IMPG2: variants seen among roughly 807,000 people sequenced by gnomAD.
IMPG2 encodes IPM 200.
IMPG2 carries 91 observed loss-of-function variants against 129.2 expected under a neutral mutation model. The observed-to-expected ratio is 0.70, with a 90% CI of 0.59 to 0.84. IMPG2 has a LOEUF of 0.84. Ranked by LOEUF, IMPG2 falls within the 40% of genes least tolerant of loss-of-function variation. The pLI is 0.00. For synonymous variants in IMPG2, 510 were observed against 517.7 expected (o/e 0.99, Z 0.20); for missense variants, 1,430 against 1,461.7 (o/e 0.98, Z 0.35).
intron 11 of IMPG2, among the ~76,000 whole-genome samples, chr3:101,252,249 A>G (rs1209420016): frequency 6.6e-6 from 1 of 152,134 alleles, no homozygotes; most frequent in Non-Finnish European, 1.5e-5. Context: ...GTTTTAAAAT[A>G]TTGACTTATT....
chr3:101,285,322 A>T (rs1215266188), intron 4 of IMPG2, among the ~76,000 whole-genome samples: 1 of 152,160 alleles, frequency 6.6e-6, no homozygotes, highest in Non-Finnish European at 1.5e-5. Context: ...TGACAGAAAG[A>T]CACACAGGGA....
intron 2 of IMPG2, among the ~76,000 whole-genome samples, chr3:101,316,070 T>C (rs1050251825): frequency 2.6e-5 from 4 of 151,964 alleles, no homozygotes; most frequent in African/African-American, 4.8e-5. Flanking sequence ...GCTATGCATA[T>C]AAAAATATTA....
At chr3:101,300,369 C>A (rs1707127013) in intron 3 of IMPG2, among the ~76,000 whole-genome samples, 1 of 152,232 alleles carries the variant, frequency 6.6e-6, no homozygotes, top group Admixed American at 6.5e-5. Flanking sequence ...GCCCCTCCTG[C>A]AAAGGAGTTC....
Position 101,244,732 on chromosome 3 carries a change from T to G in IMPG2, c.1599A>C (p.Ser533=). The G allele has an allele frequency of 6.2e-7, 1 of 1,614,060 alleles. No individual in the cohort carries two copies. The change falls in exon 13 of 19, where the codon TCA becomes TCC. Residue 533 remains serine, a synonymous_variant. Coordinates refer to ENST00000193391, the MANE Select transcript of IMPG2 (RefSeq NM_016247.4). ...EDFLSIDSLP[S]SSFTQPVPKE... is the part of the protein sequence containing the mutation. ...TTGGCACAGGTTGAGTGAATGAACT[T>G]GAAGGCAATGAATCAATAGAAAGAA...
intron 9 of IMPG2, among the ~76,000 whole-genome samples, chr3:101,263,934 T>C (rs1232035169): frequency 6.9e-6 from 1 of 145,562 alleles, no homozygotes; most frequent in African/African-American, 2.5e-5. Flanking sequence ...ACCACAGAAA[T>C]GGAAAGGATA....
In IMPG2 at chr3:101,294,934, G is replaced by T. The variant is rs540089636; in HGVS notation, c.502-3424C>A. On this transcript the variant is annotated intron_variant, in intron 3 of 18. Coordinates refer to ENST00000193391, the MANE Select transcript of IMPG2 (RefSeq NM_016247.4). Reference sequence around the variant, plus strand: ...ATATCCTATGCCCACTTTTTGATGGGGTTTTTTTCTTGTAAATTTAAGTTC... The same window carrying T: ...ATATCCTATGCCCACTTTTTGATGGTGTTTTTTTCTTGTAAATTTAAGTTC... 1.6e-3 allele frequency among the ~76,000 whole-genome samples: 235 copies of T among 151,476 alleles called. 1 individual carries two copies. Among genetic ancestry groups the T allele is most frequent in the Admixed American group, 6.0e-3 (91 of 15,222 alleles).
At chr3:101,286,390 T>G (rs997509105) in intron 4 of IMPG2, among the ~76,000 whole-genome samples, 5 of 152,126 alleles carry the variant, frequency 3.3e-5, no homozygotes, top group African/African-American at 1.2e-4. Flanking sequence ...TAGGCCCAGA[T>G]TTACAGTGAA....
intron 2 of IMPG2, among the ~76,000 whole-genome samples, chr3:101,313,978 A>G (rs993709703): frequency 2.0e-5 from 3 of 152,088 alleles, no homozygotes; most frequent in South Asian, 4.1e-4. Context: ...TTAAAATATC[A>G]CTAATAATAG....
chr3:101,273,761 A>G lies in IMPG2; in HGVS notation c.667-19T>C. 1 of 1,609,396 alleles carries G rather than the reference A, an allele frequency of 6.2e-7. No homozygotes were observed. Among genetic ancestry groups the G allele is most frequent in the Non-Finnish European group, 8.5e-7 (1 of 1,175,882 alleles). On this transcript the variant is annotated intron_variant, in intron 6 of 18. Coordinates refer to ENST00000193391, the MANE Select transcript of IMPG2 (RefSeq NM_016247.4). Reference sequence around the variant, plus strand: ...TGCTAATCTGAATTTTTAGAGAAAGAACAATAAATGTCAAGGCTTATTCAT... The same window carrying G: ...TGCTAATCTGAATTTTTAGAGAAAGGACAATAAATGTCAAGGCTTATTCAT...
intron 6 of IMPG2, among the ~76,000 whole-genome samples, chr3:101,274,224 A>G (rs1706819001): frequency 6.6e-6 from 1 of 152,064 alleles, no homozygotes; most frequent in South Asian, 2.1e-4. Flanking sequence ...AATTAATAAA[A>G]TAGTAAACAT....
intron 10 of IMPG2, among the ~76,000 whole-genome samples, chr3:101,254,698 A>G (rs926807641): frequency 6.6e-6 from 1 of 152,114 alleles, no homozygotes; most frequent in South Asian, 2.1e-4. Context: ...CTTGTCTTCT[A>G]TGAAAAATAA....
intron 7 of IMPG2, among the ~76,000 whole-genome samples, chr3:101,273,055 C>A (rs962477244): frequency 6.6e-6 from 1 of 152,134 alleles, no homozygotes; most frequent in African/African-American, 2.4e-5. Context: ...ATCCACAATT[C>A]TTTAAAGAAA....
intron 14 of IMPG2, among the ~76,000 whole-genome samples, chr3:101,233,673 T>C (rs990610567): frequency 6.6e-6 from 1 of 152,084 alleles, no homozygotes; most frequent in African/African-American, 2.4e-5. Flanking sequence ...TAGTAATCAG[T>C]CAAAAAAGAT....
intron 2 of IMPG2, among the ~76,000 whole-genome samples, chr3:101,318,941 T>C (rs1160861141): frequency 6.6e-6 from 1 of 152,148 alleles, no homozygotes; most frequent in African/African-American, 2.4e-5. Flanking sequence ...AATGCCATCA[T>C]TTTAGATGTG....
At chr3:101,239,382 G>A (rs2107214595) in intron 14 of IMPG2, among the ~76,000 whole-genome samples, 1 of 152,298 alleles carries the variant, frequency 6.6e-6, no homozygotes, top group South Asian at 2.1e-4. Context: ...AAATCACAAT[G>A]AGATACCATC....
At chr3:101,236,659 C>T (rs550431317) in intron 14 of IMPG2, among the ~76,000 whole-genome samples, 23 of 152,250 alleles carry the variant, frequency 1.5e-4, no homozygotes, top group South Asian at 1.2e-3. Flanking sequence ...AGGAACAGTG[C>T]ATTCAGCCCA....
chr3:101,244,112 T>C lies in IMPG2; in HGVS notation c.2219A>G (p.Asp740Gly). 2 of 1,614,118 alleles carry C rather than the reference T, an allele frequency of 1.2e-6. No homozygotes were observed. Among genetic ancestry groups the C allele is most frequent in the Non-Finnish European group, 1.7e-6 (2 of 1,180,016 alleles). The change falls in exon 13 of 19, where the codon GAT (aspartate) becomes GGT (glycine). Residue 740 changes from aspartate (D) to glycine (G), a missense_variant. Physicochemically the swap from Asp to Gly is moderately conservative, Grantham distance 94. Coordinates refer to ENST00000193391, the MANE Select transcript of IMPG2 (RefSeq NM_016247.4). Reference protein sequence around the residue: ...SASTDKSDQADAILREDMEQI... With the variant: ...SASTDKSDQAGAILREDMEQI... The stretch of plus-strand genomic sequence containing the variant: ...TTCCATATCCTCCCTTAGGATGGCA[T>C]CTGCCTGATCTGATTTATCAGTAGA...
chr3:101,279,861 C>T (rs1454242014), intron 4 of IMPG2, among the ~76,000 whole-genome samples: 8 of 152,176 alleles, frequency 5.3e-5, no homozygotes, highest in Non-Finnish European at 1.0e-4. Context: ...CACTTGCCTA[C>T]ACTCCAACTC....
intron 9 of IMPG2, among the ~76,000 whole-genome samples, chr3:101,264,445 A>T (rs913289572): frequency 1.3e-5 from 2 of 152,176 alleles, no homozygotes; most frequent in Non-Finnish European, 2.9e-5. Context: ...AATGAAGTAT[A>T]AAAACCATAT....
Sources: allele counts gnomAD v4.1 joint callset (sites outside exome capture counted in the v4.1 genomes callset), GRCh38; gene constraint gnomAD v4.1.1; transcripts MANE v1.5; gene names NCBI Gene and HGNC (gene_info 2026-07-23, HGNC 2026-07-21).